The following SH3PXD2A variants were observed in gnomAD, a reference collection of about 807,000 sequenced individuals.
SH3PXD2A encodes SH3 and PX domains 2A, also known as SH3 and PX domain-containing protein 2A.
SH3PXD2A carries 32 observed loss-of-function variants against 115.2 expected under a neutral mutation model. The ratio of observed to expected loss-of-function variants is 0.28; its 90% CI spans 0.21 to 0.37. The LOEUF is 0.37. Ranked by LOEUF, SH3PXD2A falls within the 10% of genes least tolerant of loss-of-function variation. SH3PXD2A has a pLI of 1.00. For missense variants in SH3PXD2A, 1,328 were observed against 1,498.7 expected (o/e 0.89, Z 1.88); for synonymous variants, 610 against 629.1 (o/e 0.97, Z 0.45).
chr10:103,660,947 G>A lies in SH3PXD2A; in HGVS notation c.604+36C>T, dbSNP rs1183207372. ...CCAGCTCGGCCCGGGGGCCAGACCG[G>A]AACCCCAGTGGACGGCCATTGGCCA... On this transcript the variant is annotated intron_variant, in intron 8 of 14. Coordinates refer to ENST00000369774, the MANE Select transcript of SH3PXD2A (RefSeq NM_001394015.1). 5.6e-6 allele frequency: 9 copies of A among 1,611,138 alleles called. No homozygotes were observed. In the African/African-American group the frequency reaches 1.2e-4, roughly 22 times the overall value.
intron 8 of SH3PXD2A, among the ~76,000 whole-genome samples, chr10:103,641,855 G>C (rs2036960564): frequency 6.6e-6 from 1 of 152,140 alleles, no homozygotes; most frequent in Admixed American, 6.5e-5. Context: ...CTCACCCAAG[G>C]GCTTTGCCAG....
chr10:103,767,473 G>A (rs1431060713), intron 2 of SH3PXD2A, among the ~76,000 whole-genome samples: 1 of 152,204 alleles, frequency 6.6e-6, no homozygotes, highest in Non-Finnish European at 1.5e-5. Flanking sequence ...TTCAGGCCAG[G>A]CTGCCTGTAG....
In SH3PXD2A at chr10:103,602,590, C is replaced by T. The variant is rs2133906662; in HGVS notation, c.2628G>A (p.Gly876=). 6.2e-7 allele frequency: 1 copy of T among 1,614,186 alleles called. No homozygotes were observed. The highest frequency in any genetic ancestry group is 8.5e-7 in the Non-Finnish European group (1 of 1,180,038). Residue 876 remains glycine, a synonymous_variant, in exon 15 of 15, where the codon GGG becomes GGA. Transcript: ENST00000369774. The part of the protein sequence containing the change: ...EVQVLEKQES[G]WWYVRFGELE... Reference sequence around the variant, plus strand: ...GCTCCCCAAACCTCACATACCACCACCCGCTCTCCTGCTTCTCCAGCACCT... The same window carrying T: ...GCTCCCCAAACCTCACATACCACCATCCGCTCTCCTGCTTCTCCAGCACCT...
intron 8 of SH3PXD2A, among the ~76,000 whole-genome samples, chr10:103,646,911 G>C (rs2037043841): frequency 6.6e-6 from 1 of 152,192 alleles, no homozygotes; most frequent in Admixed American, 6.5e-5. Flanking sequence ...AGGGCAGAGA[G>C]ATGGGTAGAA....
chr10:103,747,258 C>T (rs142169928), intron 3 of SH3PXD2A, among the ~76,000 whole-genome samples: 337 of 152,306 alleles, frequency 2.2e-3, no homozygotes, highest in African/African-American at 7.6e-3. Context: ...CCCTCCAGGA[C>T]GCAGACACAG....
chr10:103,837,263 G>A (rs2134312510), intron 1 of SH3PXD2A, among the ~76,000 whole-genome samples: 1 of 152,260 alleles, frequency 6.6e-6, no homozygotes, highest in South Asian at 2.1e-4. Flanking sequence ...TAAACCTCCA[G>A]ACAGGCACCA....
chr10:103,846,205 G>A (rs756887584), intron 1 of SH3PXD2A, among the ~76,000 whole-genome samples: 115 of 152,374 alleles, frequency 7.5e-4, no homozygotes, highest in Non-Finnish European at 1.3e-3. Flanking sequence ...ACAGCACAGG[G>A]ACAGAGAAAG....
At chr10:103,659,247 A>T (rs1185928022) in intron 8 of SH3PXD2A, among the ~76,000 whole-genome samples, 1 of 152,204 alleles carries the variant, frequency 6.6e-6, no homozygotes, top group Non-Finnish European at 1.5e-5. Context: ...CATCCTGGCC[A>T]GTGGCTGGCA....
At chr10:103,849,843 G>T (rs1307451462) in intron 1 of SH3PXD2A, among the ~76,000 whole-genome samples, 2 of 152,094 alleles carry the variant, frequency 1.3e-5, no homozygotes, top group African/African-American at 4.8e-5. Context: ...TGTCCCCTGG[G>T]TCCCTATCCT....
chr10:103,771,580 T>TA (rs1261468246), intron 2 of SH3PXD2A, among the ~76,000 whole-genome samples: 2 of 151,588 alleles, frequency 1.3e-5, no homozygotes, highest in Non-Finnish European at 2.9e-5. Context: ...CCATCTCTAC[T>TA]AAAAAAAAGT....
chr10:103,613,333 A>G, intron 11 of SH3PXD2A, 143 bp from the exon 12 acceptor site: 1 of 594,622 alleles, frequency 1.7e-6, no homozygotes, highest in South Asian at 2.6e-5. Context: ...TACTCTGGAG[A>G]GAAATGGCAC....
intron 5 of SH3PXD2A, among the ~76,000 whole-genome samples, chr10:103,707,135 T>C (rs917794157): frequency 2.0e-5 from 3 of 152,164 alleles, no homozygotes; most frequent in Non-Finnish European, 4.4e-5. Flanking sequence ...AACAGAGTCT[T>C]GTACCTAGGA....
intron 8 of SH3PXD2A, among the ~76,000 whole-genome samples, chr10:103,655,980 C>A (rs1439936372): frequency 6.6e-6 from 1 of 152,176 alleles, no homozygotes; most frequent in South Asian, 2.1e-4. Flanking sequence ...CTCCTACATA[C>A]AGTATACTTC....
intron 3 of SH3PXD2A, among the ~76,000 whole-genome samples, chr10:103,764,037 T>C (rs2134221009): frequency 6.6e-6 from 1 of 152,318 alleles, no homozygotes; most frequent in East Asian, 1.9e-4. Context: ...AGGCGAATCC[T>C]CATCTCAGGC....
At position 103,601,675 on chromosome 10, in the gene SH3PXD2A, G is replaced by C; in HGVS notation, c.*141C>G. 1.9e-6 allele frequency: 1 copy of C among 539,370 alleles called. No homozygotes were observed. The highest frequency in any genetic ancestry group is 2.0e-5 in the South Asian group (1 of 50,436). The allele number at this position is 539,370 out of a possible 1,614,324, so 33.4% of individuals were successfully genotyped here. On this transcript the variant is annotated 3_prime_UTR_variant, in exon 15 of 15. Coordinates refer to ENST00000369774, the MANE Select transcript of SH3PXD2A (RefSeq NM_001394015.1). ...TGGCTTGGACAGGGGGCATCTTTGA[G>C]GTCACCCATTCTGCAGTGTTGAATG...
In SH3PXD2A at chr10:103,784,230, C is replaced by A. The variant is rs116398102; in HGVS notation, c.153+17052G>T. Among the ~76,000 whole-genome samples the A allele has an allele frequency of 0.015, 2,228 of 152,306 alleles. 57 individuals are homozygous for A. Among genetic ancestry groups the A allele is most frequent in the African/African-American group, 0.051 (2,127 of 41,562 alleles). Reference sequence around the variant, plus strand: ...CCTGCCCTTTTCCAGGTCCCGCCCTCCCTGGACTTCAGACCCCAAGAGGTC... The same window carrying A: ...CCTGCCCTTTTCCAGGTCCCGCCCTACCTGGACTTCAGACCCCAAGAGGTC... On this transcript the variant is annotated intron_variant, in intron 2 of 14. Coordinates refer to ENST00000369774, the MANE Select transcript of SH3PXD2A (RefSeq NM_001394015.1). The surrounding 1 kb of genome is among the most constrained non-coding windows in gnomAD (Gnocchi z 4.4).
intron 8 of SH3PXD2A, among the ~76,000 whole-genome samples, chr10:103,646,183 G>A (rs1189826605): frequency 1.3e-5 from 2 of 152,112 alleles, no homozygotes; most frequent in Non-Finnish European, 2.9e-5. Context: ...CCCTTGTCCT[G>A]GGATAACCAT....
rs570288770 is a variant in SH3PXD2A at position 103,620,454 on chromosome 10, C to A, written c.802+2016G>T. ...AGTCTCCCCACTCCCTTCCTGCCCC[C>A]ACGACTTACCCAACCCCACTGAGAG... On this transcript the variant is annotated intron_variant, in intron 10 of 14. Coordinates refer to ENST00000369774, the MANE Select transcript of SH3PXD2A (RefSeq NM_001394015.1). The surrounding 1 kb of genome is among the most constrained non-coding windows in gnomAD (Gnocchi z 5.3). Among the ~76,000 whole-genome samples, 67 of 152,330 alleles carry A rather than the reference C, an allele frequency of 4.4e-4. 1 individual carries two copies. In the East Asian group the frequency reaches 0.013, roughly 29 times the overall value.
Position 103,601,678 on chromosome 10 carries a change from C to T in SH3PXD2A, c.*138G>A. The T allele has an allele frequency of 5.6e-6, 3 of 537,974 alleles. No homozygotes were observed. The highest frequency in any genetic ancestry group is 3.6e-5 in the East Asian group (1 of 27,536). 33.3% of individuals were successfully genotyped at this position (537,974 alleles called of 1,614,324 possible). A position where few individuals can be genotyped will look rare whatever the true frequency, so the allele number is the denominator to read the frequency against. On this transcript the variant is annotated 3_prime_UTR_variant, in exon 15 of 15. Coordinates refer to ENST00000369774, the MANE Select transcript of SH3PXD2A (RefSeq NM_001394015.1). ...CTTGGACAGGGGGCATCTTTGAGGTCACCCATTCTGCAGTGTTGAATGTTG... is the reference window on the plus strand; with the variant it reads ...CTTGGACAGGGGGCATCTTTGAGGTTACCCATTCTGCAGTGTTGAATGTTG...
Sources: allele counts gnomAD v4.1 joint callset (sites outside exome capture counted in the v4.1 genomes callset), GRCh38; gene constraint gnomAD v4.1.1; non-coding constraint Gnocchi (gnomAD v3.1); transcripts MANE v1.5; gene names NCBI Gene and HGNC (gene_info 2026-07-23, HGNC 2026-07-21).